The following ARHGAP44 variants were observed in gnomAD, a reference collection of about 807,000 sequenced individuals.
The protein encoded by ARHGAP44 is rho GTPase-activating protein 44.
Under a neutral mutation model 106.8 loss-of-function variants are expected in ARHGAP44, and 43 were observed. The observed-to-expected ratio is 0.40, with a 90% confidence interval of 0.32 to 0.52. ARHGAP44 has a LOEUF of 0.52. Ranked by LOEUF, ARHGAP44 falls within the 20% of genes least tolerant of loss-of-function variation. The pLI is 0.48. For synonymous variants in ARHGAP44, 439 were observed against 410.3 expected (o/e 1.07, Z -0.85); for missense variants, 866 against 1,050.5 (o/e 0.82, Z 2.43).
chr17:12,907,440 A>G (rs985824817), intron 3 of ARHGAP44, among the ~76,000 whole-genome samples: 3 of 152,134 alleles, frequency 2.0e-5, no homozygotes, highest in Non-Finnish European at 2.9e-5. Flanking sequence ...ATCATCCCCA[A>G]AGGGAACCCC....
chr17:12,857,715 C>A (rs1030469641), intron 1 of ARHGAP44, among the ~76,000 whole-genome samples: 2 of 152,122 alleles, frequency 1.3e-5, no homozygotes, highest in African/African-American at 4.8e-5. Flanking sequence ...CCGTATTTTC[C>A]ATAACAGGAT....
chr17:12,870,940 T>C lies in ARHGAP44; in HGVS notation c.54-24000T>C, dbSNP rs1219619787. Among the ~76,000 whole-genome samples, 19 of 152,224 alleles carry C rather than the reference T, an allele frequency of 1.2e-4. 1 individual carries two copies. Among genetic ancestry groups the C allele is most frequent in the Admixed American group, 1.2e-3 (19 of 15,284 alleles). ...ACTCTTTTCTTTCCTTCTCTACTTT[T>C]GGCTTTGGTCAATTTTTTTCTTTTT... On this transcript the variant is annotated intron_variant, in intron 1 of 20. Transcript: ENST00000379672.
intron 1 of ARHGAP44, among the ~76,000 whole-genome samples, chr17:12,827,853 A>G (rs1187537064): frequency 1.3e-5 from 2 of 152,042 alleles, no homozygotes; most frequent in Non-Finnish European, 2.9e-5. Context: ...AGCCTGGCCA[A>G]CATGGTGAAA....
At position 12,980,049 on chromosome 17, in the gene ARHGAP44, T is replaced by C. The variant is rs2039792036; in HGVS notation, c.1764-9T>C. The C allele has an allele frequency of 6.3e-7, 1 of 1,593,956 alleles. No homozygotes were observed. Among genetic ancestry groups the C allele is most frequent in the East Asian group, 2.2e-5 (1 of 44,502 alleles). On this transcript the variant is annotated splice_polypyrimidine_tract_variant and intron_variant, in intron 18 of 20. Coordinates refer to ENST00000379672, the MANE Select transcript of ARHGAP44 (RefSeq NM_014859.6). ...GGCTTTTCTTTTGTCTCATGTGCTT[T>C]CGTTTCAGCACAACAAAAAGCAAGG...
chr17:12,804,088 A>G (rs1228675679), intron 1 of ARHGAP44, among the ~76,000 whole-genome samples: 1 of 151,902 alleles, frequency 6.6e-6, no homozygotes, highest in Non-Finnish European at 1.5e-5. Flanking sequence ...CTTTCTCTCC[A>G]TTTTTCTTCG....
chr17:12,926,492 A>AAT (rs1456931283), intron 6 of ARHGAP44, among the ~76,000 whole-genome samples: 34 of 143,632 alleles, frequency 2.4e-4, no homozygotes, highest in African/African-American at 7.5e-4. Flanking sequence ...ATGTATGTAT[A>AAT]ATATATGTAT....
At chr17:12,802,965 A>T (rs1451022659) in intron 1 of ARHGAP44, among the ~76,000 whole-genome samples, 7,071 of 26,998 alleles carry the variant, frequency 0.26, 1,293 homozygotes, top group African/African-American at 0.54. Context: ...ATATATATAT[A>T]TATATTTTTT....
intron 1 of ARHGAP44, among the ~76,000 whole-genome samples, chr17:12,811,768 A>T (rs748367288): frequency 2.6e-5 from 4 of 152,204 alleles, no homozygotes; most frequent in African/African-American, 4.8e-5. Flanking sequence ...CGGTGTCAGC[A>T]GCAATCCTTA....
At chr17:12,909,096 A>G (rs531602652) in intron 4 of ARHGAP44, 123 bp downstream of exon 4, 7 of 803,556 alleles carry the variant, frequency 8.7e-6, no homozygotes, top group Non-Finnish European at 1.4e-5. Flanking sequence ...GGAAAAAAGG[A>G]AAATGTTACC....
chr17:12,861,341 G>T (rs562203196), intron 1 of ARHGAP44, among the ~76,000 whole-genome samples: 84 of 152,246 alleles, frequency 5.5e-4, no homozygotes, highest in African/African-American at 2.0e-3. Flanking sequence ...CACAAACTTA[G>T]TGACTTTAAA....
chr17:12,967,737 C>A (rs1434830960), intron 16 of ARHGAP44, among the ~76,000 whole-genome samples: 1 of 152,142 alleles, frequency 6.6e-6, no homozygotes, highest in Non-Finnish European at 1.5e-5. Context: ...GCCGTCGTTC[C>A]ACTGGTCCTG....
intron 1 of ARHGAP44, among the ~76,000 whole-genome samples, chr17:12,867,563 A>G (rs1451570139): frequency 6.6e-6 from 1 of 152,150 alleles, no homozygotes; most frequent in Non-Finnish European, 1.5e-5. Context: ...GGAGACCTAT[A>G]TTTACAAGCT....
chr17:12,987,287 C>A, intron 20 of ARHGAP44: 1 of 752,446 alleles, frequency 1.3e-6, no homozygotes, highest in Non-Finnish European at 2.0e-6. Flanking sequence ...CCTTCCCCGG[C>A]CTCAGCAAGG....
rs1289486719 is a variant in ARHGAP44, at chr17:12,990,534, C to T, written c.*363C>T. 1.5e-5 allele frequency: 3 copies of T among 202,150 alleles called. No individual in the cohort carries two copies. The highest frequency in any genetic ancestry group is 6.7e-5 in the African/African-American group (3 of 44,700). 12.5% of individuals were successfully genotyped at this position (202,150 alleles called of 1,614,324 possible). A position where few individuals can be genotyped will look rare whatever the true frequency, so the allele number is the denominator to read the frequency against. On this transcript the variant is annotated 3_prime_UTR_variant, in exon 21 of 21. Transcript: ENST00000379672. ...GTGGTGCGGGAGAGGCTCACTTTGC[C>T]TGGTTAGACCCAAGGGCTGCTACCT...
chr17:12,956,841 G>C lies in ARHGAP44; in HGVS notation c.1342+95G>C. The C allele has an allele frequency of 1.9e-6, 2 of 1,044,612 alleles. 1 individual carries two copies. Among genetic ancestry groups the C allele is most frequent in the South Asian group, 2.8e-5 (2 of 71,608 alleles). The allele number at this position is 1,044,612 out of a possible 1,614,324, so 64.7% of individuals were successfully genotyped here. On this transcript the variant is annotated intron_variant, in intron 15 of 20. Coordinates refer to ENST00000379672, the MANE Select transcript of ARHGAP44 (RefSeq NM_014859.6). ...TTGAAGCCAAGTACCACTGCCCACA[G>C]GCTTTTTTTTTTGATTCCCCTATAA...
chr17:12,845,278 G>C (rs941118344), intron 1 of ARHGAP44, among the ~76,000 whole-genome samples: 1 of 151,996 alleles, frequency 6.6e-6, no homozygotes, highest in East Asian at 1.9e-4. Flanking sequence ...GGGAGGCTGA[G>C]GTGGGTGGAT....
intron 1 of ARHGAP44, among the ~76,000 whole-genome samples, chr17:12,825,160 C>A (rs1176081555): frequency 2.0e-5 from 3 of 151,908 alleles, no homozygotes; most frequent in Non-Finnish European, 2.9e-5. Context: ...CTTCAGCCTC[C>A]CGAGTAACTG....
rs139608164 is a variant in ARHGAP44 at position 12,868,996 on chromosome 17, G to A, written c.54-25944G>A. Among the ~76,000 whole-genome samples the A allele has an allele frequency of 5.3e-3, 801 of 152,046 alleles. 11 individuals are homozygous for A. The highest frequency in any genetic ancestry group is 0.019 in the African/African-American group (772 of 41,472). On this transcript the variant is annotated intron_variant, in intron 1 of 20. Coordinates refer to ENST00000379672, the MANE Select transcript of ARHGAP44 (RefSeq NM_014859.6). ...ATATGTTATATATTACCATAAAAGA[G>A]CATAAAATTATTTGGAGGACACAAG...
intron 1 of ARHGAP44, among the ~76,000 whole-genome samples, chr17:12,831,978 T>C (rs184919461): frequency 2.0e-5 from 3 of 152,228 alleles, no homozygotes; most frequent in African/African-American, 7.2e-5. Flanking sequence ...TGAGAGTCTT[T>C]AGTTCTTATA....
Sources: allele counts gnomAD v4.1 joint callset (sites outside exome capture counted in the v4.1 genomes callset), GRCh38; gene constraint gnomAD v4.1.1; transcripts MANE v1.5; gene names NCBI Gene and HGNC (gene_info 2026-07-23, HGNC 2026-07-21).